Variants in KDM2A observed in about 807,000 individuals in gnomAD.
The protein encoded by KDM2A is lysine demethylase 2A, also known as lysine-specific demethylase 2A.
In KDM2A, 3 loss-of-function variants were observed where a neutral mutation model predicts 137.3. That is an observed-to-expected ratio of 0.02 (90% CI 0.01 to 0.06). The LOEUF (loss-of-function observed/expected upper bound fraction) is 0.06. Among genes scored for constraint, KDM2A ranks in the 10% least tolerant of loss-of-function variants. The probability of loss-of-function intolerance (pLI) is 1.00; values close to 1 mark genes in which losing one functional copy is unlikely to be tolerated. For synonymous variants in KDM2A, 512 were observed against 541.5 expected (o/e 0.95, Z 0.76); for missense variants, 738 against 1,510.6 (o/e 0.49, Z 8.48).
rs1046916274 is a variant in KDM2A, at chr11:67,181,345, G to A, written c.207G>A (p.Arg69=). Residue 69 remains arginine, a synonymous_variant, in exon 4 of 21, where the codon CGG becomes CGA. Transcript: ENST00000529006. ...ATTTTAATGTAGAGTATATTCAGCGGGGTGGCTTGAGAGATCCTCTGATTT... is the reference window on the plus strand; with the variant it reads ...ATTTTAATGTAGAGTATATTCAGCGAGGTGGCTTGAGAGATCCTCTGATTT... The part of the protein sequence containing the change: ...GKDFNVEYIQ[R]GGLRDPLIFK... 6.2e-6 allele frequency: 10 copies of A among 1,610,736 alleles called. No individual in the cohort carries two copies. In the African/African-American group the frequency reaches 1.2e-4, roughly 19 times the overall value.
chr11:67,158,702 AC>A (rs1418791764), intron 2 of KDM2A, among the ~76,000 whole-genome samples: 3 of 152,006 alleles, frequency 2.0e-5, no homozygotes, highest in African/African-American at 7.2e-5. Context: ...TCACTATGTT[AC>A]CCGGGCTGGT....
At position 67,119,781 on chromosome 11, in the gene KDM2A, C is replaced by T. The variant is rs890805012; in HGVS notation, c.-352C>T. 6.6e-6 allele frequency: 1 copy of T among 150,982 alleles called. No individual in the cohort carries two copies. Among genetic ancestry groups the T allele is most frequent in the African/African-American group, 2.4e-5 (1 of 41,308 alleles). 9.4% of individuals were successfully genotyped at this position (150,982 alleles called of 1,614,324 possible). A position where few individuals can be genotyped will look rare whatever the true frequency, so the allele number is the denominator to read the frequency against. On this transcript the variant is annotated 5_prime_UTR_variant, in exon 1 of 21. Coordinates refer to ENST00000529006, the MANE Select transcript of KDM2A (RefSeq NM_012308.3). ...GGGCTCGGGCCCGGGCTGCTGACCG[C>T]TGGCCTGGGGGAGGCGGGGGCGCCC... is the stretch of plus-strand genomic sequence containing the variant.
intron 5 of KDM2A, among the ~76,000 whole-genome samples, chr11:67,187,008 A>G (rs1857223157): frequency 6.6e-6 from 1 of 152,324 alleles, no homozygotes; most frequent in African/African-American, 2.4e-5. Context: ...GACATCAGTA[A>G]CCAAAAGGGG....
At chr11:67,182,244 A>G (rs1590755547) in intron 5 of KDM2A, among the ~76,000 whole-genome samples, 2 of 152,170 alleles carry the variant, frequency 1.3e-5, no homozygotes, top group South Asian at 4.1e-4. Flanking sequence ...CCCTAAAAGG[A>G]GTAGAGAAAT....
At chr11:67,242,023 G>A (rs182132366) in intron 12 of KDM2A, among the ~76,000 whole-genome samples, 101 of 152,270 alleles carry the variant, frequency 6.6e-4, no homozygotes, top group Non-Finnish European at 1.2e-3. Context: ...GCAGTGAGCC[G>A]AGATAGCGCC....
chr11:67,186,635 C>T (rs1276361349), intron 5 of KDM2A, among the ~76,000 whole-genome samples: 1 of 152,182 alleles, frequency 6.6e-6, no homozygotes, highest in Non-Finnish European at 1.5e-5. Flanking sequence ...TGGCTTTTAA[C>T]TCCTTTTTGT....
intron 12 of KDM2A, among the ~76,000 whole-genome samples, chr11:67,241,519 G>C (rs189848554): frequency 6.6e-6 from 1 of 152,110 alleles, no homozygotes; most frequent in East Asian, 1.9e-4. Context: ...CCTGGTCTCC[G>C]GGACAGAGCA....
At chr11:67,135,008 G>C (rs371650924) in intron 2 of KDM2A, among the ~76,000 whole-genome samples, 1 of 151,758 alleles carries the variant, frequency 6.6e-6, no homozygotes, top group African/African-American at 2.4e-5. Flanking sequence ...AACTTATTTC[G>C]GTAACATAAG....
At chr11:67,203,197 A>T (rs541048209) in intron 5 of KDM2A, among the ~76,000 whole-genome samples, 2 of 152,138 alleles carry the variant, frequency 1.3e-5, no homozygotes, top group Non-Finnish European at 2.9e-5. Flanking sequence ...GCAATAAAGT[A>T]TTTTTAAATA....
chr11:67,141,985 C>T (rs72926998), intron 2 of KDM2A, among the ~76,000 whole-genome samples: 8 of 152,056 alleles, frequency 5.3e-5, no homozygotes, highest in Non-Finnish European at 7.4e-5. Flanking sequence ...ATCCATGTTC[C>T]GAAAATGACA....
At chr11:67,141,132 CATT>C (rs1446070716) in intron 2 of KDM2A, among the ~76,000 whole-genome samples, 1 of 152,072 alleles carries the variant, frequency 6.6e-6, no homozygotes, top group Non-Finnish European at 1.5e-5. Flanking sequence ...CTCTCCTAAA[CATT>C]GTATTTTGGG....
rs1354667758 is a variant in KDM2A, at chr11:67,257,936, C to T, written c.*2881C>T. On this transcript the variant is annotated 3_prime_UTR_variant, in exon 21 of 21. Transcript: ENST00000529006. The stretch of plus-strand genomic sequence containing the variant: ...GAGCAAGGACATCTTTCCTCTGACA[C>T]GTGGGAATGGGTGATATTTGTGTAA... 1 of 151,794 alleles carries T rather than the reference C, an allele frequency of 6.6e-6. No individual in the cohort carries two copies. The highest frequency in any genetic ancestry group is 1.5e-5 in the Non-Finnish European group (1 of 67,996). The allele number at this position is 151,794 out of a possible 1,614,324, so 9.4% of individuals were successfully genotyped here.
At chr11:67,190,986 A>C (rs1047132886) in intron 5 of KDM2A, among the ~76,000 whole-genome samples, 1 of 152,182 alleles carries the variant, frequency 6.6e-6, no homozygotes, top group Non-Finnish European at 1.5e-5. Flanking sequence ...CCAAACATTT[A>C]AAGAGGAACT....
At chr11:67,181,039 T>TTA (rs1857081569) in intron 3 of KDM2A, among the ~76,000 whole-genome samples, 2 of 151,682 alleles carry the variant, frequency 1.3e-5, no homozygotes. Flanking sequence ...GACTCACTAT[T>TTA]AGTAGTCCTA....
intron 2 of KDM2A, among the ~76,000 whole-genome samples, chr11:67,155,816 A>G (rs1228570797): frequency 6.9e-6 from 1 of 144,234 alleles, no homozygotes; most frequent in Admixed American, 7.0e-5. Context: ...GGGTTTCTCC[A>G]TGTTGGTCAG....
chr11:67,226,674 A>G (rs1162466090), intron 10 of KDM2A, among the ~76,000 whole-genome samples: 2 of 152,208 alleles, frequency 1.3e-5, no homozygotes, highest in African/African-American at 4.8e-5. Context: ...GTGAGCCGAG[A>G]TCGCGCCACT....
intron 15 of KDM2A, 110 bp downstream of exon 15, chr11:67,246,226 C>A: frequency 1.7e-6 from 2 of 1,191,992 alleles, no homozygotes; most frequent in Non-Finnish European, 1.2e-6. Context: ...AGGCCATCAG[C>A]TCTGTGGTCA....
intron 2 of KDM2A, among the ~76,000 whole-genome samples, chr11:67,133,391 C>T (rs543825814): frequency 2.6e-5 from 4 of 151,770 alleles, no homozygotes; most frequent in Admixed American, 6.6e-5. Flanking sequence ...TGTGAGCCAC[C>T]GTGCCTGGCC....
intron 6 of KDM2A, among the ~76,000 whole-genome samples, chr11:67,213,239 C>T (rs1858047027): frequency 6.6e-6 from 1 of 152,144 alleles, no homozygotes; most frequent in Admixed American, 6.6e-5. Flanking sequence ...TGATCAAATA[C>T]GTAGATGTTG....
Sources: allele counts gnomAD v4.1 joint callset (sites outside exome capture counted in the v4.1 genomes callset), GRCh38; gene constraint gnomAD v4.1.1; transcripts MANE v1.5; gene names NCBI Gene and HGNC (gene_info 2026-07-23, HGNC 2026-07-21).